The following SOX6 variants were observed in gnomAD, a reference collection of about 807,000 sequenced individuals.
The protein encoded by SOX6 is SRY-box transcription factor 6.
Under a neutral mutation model 97.8 loss-of-function variants are expected in SOX6, and 11 were observed. The ratio of observed to expected loss-of-function variants is 0.11; its 90% CI spans 0.07 to 0.19. The LOEUF is 0.19. Ranked by LOEUF, SOX6 falls within the 10% of genes least tolerant of loss-of-function variation. The pLI is 1.00. For missense variants in SOX6, 810 were observed against 1,039.5 expected (o/e 0.78, Z 3.04); for synonymous variants, 360 against 371.4 (o/e 0.97, Z 0.35).
At chr11:16,159,445 T>C (rs1850686196) in intron 6 of SOX6, among the ~76,000 whole-genome samples, 1 of 152,146 alleles carries the variant, frequency 6.6e-6, no homozygotes. Flanking sequence ...AAAAATACTT[T>C]GTTTCCTCCC....
intron 3 of SOX6, among the ~76,000 whole-genome samples, chr11:16,286,915 A>C (rs961186870): frequency 1.3e-5 from 2 of 152,058 alleles, no homozygotes; most frequent in Non-Finnish European, 2.9e-5. Context: ...TAGGTCCATA[A>C]GGGCTCATCA....
rs567201435 is a variant in SOX6 at position 16,166,256 on chromosome 11, T to C, written c.777+17630A>G. ...TTAACAGCTGATTAATCAGCAAACA[T>C]CTCCGAATTGGATAGACTTTACCTC... On this transcript the variant is annotated intron_variant, in intron 6 of 15. Coordinates refer to ENST00000683767, the MANE Select transcript of SOX6 (RefSeq NM_001367873.1). Among the ~76,000 whole-genome samples, 20 of 152,266 alleles carry C rather than the reference T, an allele frequency of 1.3e-4. No homozygotes were observed. The South Asian group carries it at 3.9e-3, about 30-fold the overall frequency.
intron 4 of SOX6, 52 bp downstream of exon 4, chr11:16,234,530 A>G: frequency 1.9e-6 from 2 of 1,075,158 alleles, no homozygotes; most frequent in Non-Finnish European, 2.8e-6. Flanking sequence ...ATTGTTATAC[A>G]AAATAACATC....
At chr11:16,457,402 T>G (rs1859829442) in intron 1 of SOX6, among the ~76,000 whole-genome samples, 1 of 152,078 alleles carries the variant, frequency 6.6e-6, no homozygotes, top group Non-Finnish European at 1.5e-5. Flanking sequence ...AATCACAAAG[T>G]CCTTCTTGAA....
chr11:16,538,751 G>A (rs1333781568), intron 4 of SOX6, among the ~76,000 whole-genome samples: 1 of 152,134 alleles, frequency 6.6e-6, no homozygotes, highest in Non-Finnish European at 1.5e-5. Flanking sequence ...ATGGTAAAGG[G>A]ATCAATTCAA....
chr11:16,323,305 C>T (rs1470543185), intron 2 of SOX6, among the ~76,000 whole-genome samples: 3 of 151,840 alleles, frequency 2.0e-5, no homozygotes, highest in South Asian at 2.1e-4. Context: ...TTTTCCATAT[C>T]GGCAAAAATA....
chr11:16,435,163 C>T (rs12277548), intron 1 of SOX6, among the ~76,000 whole-genome samples: 54,446 of 151,846 alleles, frequency 0.36, 10,313 homozygotes, highest in East Asian at 0.54. Context: ...CATATGAATA[C>T]CAATAATTTT....
intron 3 of SOX6, among the ~76,000 whole-genome samples, chr11:16,256,500 C>T (rs1439464534): frequency 1.3e-5 from 2 of 151,622 alleles, no homozygotes; most frequent in Non-Finnish European, 3.0e-5. Context: ...AATTCAACGC[C>T]CATTCATGGT....
chr11:16,304,750 T>G (rs1855372537), intron 3 of SOX6, among the ~76,000 whole-genome samples: 1 of 152,278 alleles, frequency 6.6e-6, no homozygotes, highest in South Asian at 2.1e-4. Context: ...CTGTTTTATT[T>G]TGTACTTAGA....
intron 3 of SOX6, among the ~76,000 whole-genome samples, chr11:16,681,379 A>C (rs1202241356): frequency 1.3e-5 from 2 of 152,244 alleles, no homozygotes; most frequent in Non-Finnish European, 2.9e-5. Flanking sequence ...TAACAAAATG[A>C]AGACAGAAGT....
intron 3 of SOX6, chr11:16,318,141 GT>G: frequency 2.4e-6 from 1 of 408,216 alleles, no homozygotes. Flanking sequence ...GAAAAATAAA[GT>G]TGCAGTTAGG....
chr11:16,062,250 GTTA>G (rs1265375378), intron 9 of SOX6, among the ~76,000 whole-genome samples: 2 of 151,396 alleles, frequency 1.3e-5, no homozygotes, highest in Non-Finnish European at 3.0e-5. Flanking sequence ...TAACAGTGTA[GTTA>G]TTAACAGTCT....
chr11:16,623,209 C>T (rs893525257), intron 3 of SOX6, among the ~76,000 whole-genome samples: 48 of 151,948 alleles, frequency 3.2e-4, no homozygotes, highest in African/African-American at 8.7e-4. Flanking sequence ...TTAGTAGAGA[C>T]GGGGTTTCAC....
At chr11:16,050,076 T>A in intron 10 of SOX6, 138 bp from the exon 11 acceptor site, 1 of 865,850 alleles carries the variant, frequency 1.2e-6, no homozygotes, top group Non-Finnish European at 1.9e-6. Context: ...GCTAATTATC[T>A]ACCTCCTTGA....
At chr11:16,100,666 G>T (rs1287906212) in intron 7 of SOX6, among the ~76,000 whole-genome samples, 3 of 151,000 alleles carry the variant, frequency 2.0e-5, no homozygotes, top group Non-Finnish European at 4.4e-5. Flanking sequence ...AGGGGAGCTT[G>T]TACTAAGAAC....
chr11:16,623,694 C>T (rs762809087), intron 3 of SOX6, among the ~76,000 whole-genome samples: 9 of 152,148 alleles, frequency 5.9e-5, no homozygotes, highest in Admixed American at 2.6e-4. Context: ...TACAGTTTCA[C>T]GTCTTAGATT....
rs140837565 is a variant in SOX6, at chr11:16,092,825, A to G, written c.1101+3171T>C. ...TATTGAAAATAACCATATAAAATGAATAAATACACTGAAGTCCCTTTTTCA... is the reference window on the plus strand; with the variant it reads ...TATTGAAAATAACCATATAAAATGAGTAAATACACTGAAGTCCCTTTTTCA... On this transcript the variant is annotated intron_variant, in intron 9 of 15. Transcript: ENST00000683767. Among the ~76,000 whole-genome samples the G allele has an allele frequency of 4.6e-3, 697 of 151,624 alleles. 8 individuals carry two copies. Among genetic ancestry groups the G allele is most frequent in the African/African-American group, 0.016 (672 of 41,346 alleles).
chr11:16,519,744 C>T (rs11023974), intron 4 of SOX6, among the ~76,000 whole-genome samples: 35,543 of 151,950 alleles, frequency 0.23, 4,893 homozygotes, highest in Non-Finnish European at 0.3. Flanking sequence ...GGTCAGATAA[C>T]GGTAGTTTTA....
At chr11:16,022,390 C>CCT (rs751154408) in intron 12 of SOX6, among the ~76,000 whole-genome samples, 201 of 142,284 alleles carry the variant, frequency 1.4e-3, no homozygotes, top group Admixed American at 4.0e-3. Context: ...TCCCTCCCTT[C>CCT]CTCTCTCTCT....
Sources: allele counts gnomAD v4.1 joint callset (sites outside exome capture counted in the v4.1 genomes callset), GRCh38; gene constraint gnomAD v4.1.1; transcripts MANE v1.5; gene names NCBI Gene and HGNC (gene_info 2026-07-23, HGNC 2026-07-21).